Variants in TTBK2 observed in about 807,000 individuals in gnomAD.
TTBK2 encodes the protein tau tubulin kinase 2.
A neutral mutation model predicts 110.8 loss-of-function variants in TTBK2; 28 were observed. The ratio of observed to expected loss-of-function variants is 0.25; its 90% CI spans 0.19 to 0.35. TTBK2 has a LOEUF of 0.35. Among genes scored for constraint, TTBK2 ranks in the 10% least tolerant of loss-of-function variants. The pLI, the probability that TTBK2 is intolerant of heterozygous loss-of-function variation, is 1.00. For missense variants in TTBK2, 1,369 were observed against 1,500.3 expected (o/e 0.91, Z 1.45); for synonymous variants, 532 against 527.3 (o/e 1.01, Z -0.12).
At chr15:42,776,950 T>C in intron 12 of TTBK2, 81 bp downstream of exon 12, 2 of 1,446,522 alleles carry the variant, frequency 1.4e-6, no homozygotes, top group Non-Finnish European at 1.9e-6. Context: ...GTAACAGAAA[T>C]ATACAATAAT....
chr15:42,811,185 G>A (rs1202773068), intron 8 of TTBK2, among the ~76,000 whole-genome samples: 2 of 151,674 alleles, frequency 1.3e-5, no homozygotes, highest in Non-Finnish European at 2.9e-5. Flanking sequence ...TAAAGATTGG[G>A]GTCTCACTAT....
intron 3 of TTBK2, among the ~76,000 whole-genome samples, chr15:42,848,827 G>T (rs1893577054): frequency 6.6e-6 from 1 of 152,134 alleles, no homozygotes; most frequent in African/African-American, 2.4e-5. Context: ...TATACACTAT[G>T]TACTTCTTTT....
At chr15:42,851,249 GAA>G (rs761411827) in intron 3 of TTBK2, among the ~76,000 whole-genome samples, 1 of 100,192 alleles carries the variant, frequency 1.0e-5, no homozygotes, top group Non-Finnish European at 2.2e-5. Context: ...CTCTGTCTCA[GAA>G]AAAAAAAAAA....
At chr15:42,774,996 A>T in intron 13 of TTBK2, 139 bp downstream of exon 13, 1 of 808,024 alleles carries the variant, frequency 1.2e-6, no homozygotes, top group Admixed American at 2.3e-5. Context: ...TGACTATAGA[A>T]CTTAGTACAA....
chr15:42,912,119 T>A (rs2030793573), intron 1 of TTBK2, among the ~76,000 whole-genome samples: 1 of 152,138 alleles, frequency 6.6e-6, no homozygotes, highest in Non-Finnish European at 1.5e-5. Flanking sequence ...GGGTGCTTAT[T>A]GGGAGAAAGA....
chr15:42,793,492 G>C (rs958049245), intron 10 of TTBK2, among the ~76,000 whole-genome samples: 8 of 152,064 alleles, frequency 5.3e-5, no homozygotes, highest in African/African-American at 1.9e-4. Context: ...AGTGCACTAT[G>C]ACTGTGCCTA....
chr15:42,904,767 A>G (rs1191045535), intron 1 of TTBK2, among the ~76,000 whole-genome samples: 1 of 152,228 alleles, frequency 6.6e-6, no homozygotes, highest in African/African-American at 2.4e-5. Context: ...GACCCATATC[A>G]TAATGATTAT....
intron 13 of TTBK2, among the ~76,000 whole-genome samples, chr15:42,757,648 G>C (rs2061966538): frequency 6.6e-6 from 1 of 152,192 alleles, no homozygotes; most frequent in African/African-American, 2.4e-5. Flanking sequence ...AAGTGTAGCT[G>C]CAAAGAGCTT....
chr15:42,822,556 T>C (rs1892348783), intron 6 of TTBK2, among the ~76,000 whole-genome samples: 1 of 151,980 alleles, frequency 6.6e-6, no homozygotes, highest in African/African-American at 2.4e-5. Context: ...ACTGTTGGTG[T>C]TAGAGAAACA....
intron 3 of TTBK2, among the ~76,000 whole-genome samples, chr15:42,860,644 T>TC (rs1048790330): frequency 8.2e-5 from 12 of 146,526 alleles, no homozygotes; most frequent in South Asian, 6.6e-4. Context: ...TTCTTTCTTT[T>TC]TTTTTTTTTT....
intron 6 of TTBK2, among the ~76,000 whole-genome samples, chr15:42,818,872 A>T (rs1214603310): frequency 2.9e-5 from 4 of 139,590 alleles, no homozygotes; most frequent in Non-Finnish European, 6.3e-5. Flanking sequence ...GCGGTGAGCC[A>T]AGATTGAGCC....
At position 42,885,049 on chromosome 15, in the gene TTBK2, A is replaced by G. The variant is rs151201659; in HGVS notation, c.-67-6365T>C. ...AACTCCACCACCTATCCCAAAACCT[A>G]TAAGAACTAATGATAATCCCACCAC... On this transcript the variant is annotated intron_variant, in intron 1 of 14. Transcript: ENST00000267890. Among the ~76,000 whole-genome samples, 1,310 of 152,256 alleles carry G rather than the reference A, an allele frequency of 8.6e-3. 20 individuals are homozygous for G. The highest frequency in any genetic ancestry group is 0.03 in the African/African-American group (1,240 of 41,546).
intron 9 of TTBK2, among the ~76,000 whole-genome samples, chr15:42,799,456 C>T (rs139111327): frequency 0.019 from 2,882 of 151,818 alleles, 44 homozygotes; most frequent in Admixed American, 0.031. Flanking sequence ...GTTTTTGAGA[C>T]GGAGTCTCAC....
At chr15:42,831,917 T>G (rs1386679791) in intron 4 of TTBK2, among the ~76,000 whole-genome samples, 1 of 152,190 alleles carries the variant, frequency 6.6e-6, no homozygotes, top group African/African-American at 2.4e-5. Flanking sequence ...TAAAGACAAT[T>G]GATTCACTTT....
intron 11 of TTBK2, 96 bp from the exon 12 acceptor site, chr15:42,777,338 T>C (rs1889976650): frequency 7.0e-6 from 9 of 1,278,718 alleles, no homozygotes; most frequent in Non-Finnish European, 2.2e-6. Flanking sequence ...AATAAATGAT[T>C]AGATGTGTTT....
intron 1 of TTBK2, among the ~76,000 whole-genome samples, chr15:42,892,136 AT>A (rs1895482055): frequency 6.6e-6 from 1 of 152,202 alleles, no homozygotes; most frequent in South Asian, 2.1e-4. Context: ...CATACATACT[AT>A]GCTCTCTGAT....
At chr15:42,816,929 CATAT>C (rs140189140) in intron 7 of TTBK2, 99 bp downstream of exon 7, 4 of 435,454 alleles carry the variant, frequency 9.2e-6, no homozygotes, top group Non-Finnish European at 1.3e-5. Context: ...AACAAATATA[CATAT>C]ATATATATAT....
At position 42,838,468 on chromosome 15, in the gene TTBK2, C is replaced by T. The variant is rs540086487; in HGVS notation, c.291+1892G>A. Among the ~76,000 whole-genome samples the T allele has an allele frequency of 4.6e-5, 7 of 151,880 alleles. No homozygotes were observed. In the East Asian group the frequency reaches 1.4e-3, roughly 29 times the overall value. On this transcript the variant is annotated intron_variant, in intron 4 of 14. Coordinates refer to ENST00000267890, the MANE Select transcript of TTBK2 (RefSeq NM_173500.4). Reference sequence around the variant, plus strand: ...CACTATAGCCATTATTCCAATATTCCTTTTCTGAATTTCTTTCCTCTGCTC... The same window carrying T: ...CACTATAGCCATTATTCCAATATTCTTTTTCTGAATTTCTTTCCTCTGCTC...
At chr15:42,851,785 A>T (rs1893726139) in intron 3 of TTBK2, among the ~76,000 whole-genome samples, 1 of 152,118 alleles carries the variant, frequency 6.6e-6, no homozygotes, top group African/African-American at 2.4e-5. Flanking sequence ...AACCGGTAAC[A>T]GTAGATAACA....
Sources: gnomAD v4.1 joint callset for allele counts (sites outside exome capture counted in the v4.1 genomes callset) on GRCh38, gnomAD v4.1.1 for gene constraint, MANE v1.5 for transcripts, NCBI Gene and HGNC (gene_info 2026-07-23, HGNC 2026-07-21) for gene names.